The following ITPR2 variants were observed in gnomAD, a reference collection of about 807,000 sequenced individuals.
The protein encoded by ITPR2 is inositol 1,4,5-trisphosphate receptor type 2.
In ITPR2, 207 loss-of-function variants were observed where a neutral mutation model predicts 317.1. The observed-to-expected ratio is 0.65, with a 90% CI of 0.58 to 0.73. The LOEUF is 0.73. Among genes scored for constraint, ITPR2 ranks in the 30% least tolerant of loss-of-function variants. The probability of loss-of-function intolerance (pLI) is 0.00; values close to 1 mark genes in which losing one functional copy is unlikely to be tolerated. For synonymous variants in ITPR2, 1,156 were observed against 1,149.1 expected, an observed-to-expected ratio of 1.01 and a Z score of -0.12; for missense variants, 2,613 against 3,284.0, an observed-to-expected ratio of 0.80 and a Z score of 4.99.
At chr12:26,726,974 C>T (rs1948939179) in intron 2 of ITPR2, among the ~76,000 whole-genome samples, 1 of 152,150 alleles carries the variant, frequency 6.6e-6, no homozygotes, top group South Asian at 2.1e-4. Flanking sequence ...ATCTTAATTT[C>T]TAGTTTAAAG....
chr12:26,681,284 C>T (rs1391794610), intron 13 of ITPR2, among the ~76,000 whole-genome samples: 2 of 152,160 alleles, frequency 1.3e-5, no homozygotes, highest in Non-Finnish European at 2.9e-5. Flanking sequence ...ATTTACAGTG[C>T]CCAACCTAGT....
chr12:26,457,741 C>T (rs1005957588), intron 45 of ITPR2, among the ~76,000 whole-genome samples: 1 of 152,116 alleles, frequency 6.6e-6, no homozygotes, highest in Non-Finnish European at 1.5e-5. Context: ...TCTGGACAGA[C>T]CTGGGTTCAA....
At chr12:26,568,722 T>G (rs1426342526) in intron 34 of ITPR2, among the ~76,000 whole-genome samples, 1 of 152,106 alleles carries the variant, frequency 6.6e-6, no homozygotes, top group Non-Finnish European at 1.5e-5. Flanking sequence ...AAAACCTGGT[T>G]GGTTGTCAAG....
intron 1 of ITPR2, among the ~76,000 whole-genome samples, chr12:26,826,528 T>C (rs1951011681): frequency 6.6e-6 from 1 of 152,028 alleles, no homozygotes; most frequent in Admixed American, 6.6e-5. Context: ...GTTAATTGCA[T>C]TGGCCAAAAT....
chr12:26,439,235 G>C lies in ITPR2; in HGVS notation c.6535C>G (p.Arg2179Gly). The change falls in exon 47 of 57, where the codon CGT becomes GGT. Residue 2179 changes from arginine to glycine, a missense_variant. This residue lies in a region of ITPR2 where 926 missense variants were observed against 1,072.8 expected (regional missense o/e 0.86). Transcript: ENST00000381340. ...CEYLTRESKC[R>G]VFNTTERDEQ... ...TCCCTTTCAGTTGTATTGAACACAC[G>C]GCACTTGGATTCTCGAGTGAGGTAT... The C allele has an allele frequency of 1.9e-6, 3 of 1,612,702 alleles. No individual in the cohort carries two copies. Among genetic ancestry groups the C allele is most frequent in the Non-Finnish European group, 2.5e-6 (3 of 1,179,048 alleles).
chr12:26,812,624 T>C (rs965851582), intron 1 of ITPR2, among the ~76,000 whole-genome samples: 4 of 152,084 alleles, frequency 2.6e-5, no homozygotes, highest in Non-Finnish European at 5.9e-5. Context: ...GCTGTACCAG[T>C]ACAGCTTACA....
At chr12:26,730,915 G>A (rs1002119506) in intron 2 of ITPR2, among the ~76,000 whole-genome samples, 4 of 152,154 alleles carry the variant, frequency 2.6e-5, no homozygotes, top group African/African-American at 9.7e-5. Flanking sequence ...TGGAAATCTG[G>A]CAGGAAATCA....
intron 34 of ITPR2, 45 bp downstream of exon 34, chr12:26,578,668 T>A: frequency 6.5e-7 from 1 of 1,541,066 alleles, no homozygotes. Context: ...AAACCTAATT[T>A]CTTCAAGAAA....
intron 36 of ITPR2, among the ~76,000 whole-genome samples, chr12:26,554,737 G>C (rs1591893115): frequency 6.6e-6 from 1 of 151,818 alleles, no homozygotes; most frequent in Non-Finnish European, 1.5e-5. Flanking sequence ...ATATTTATAG[G>C]AGATGAAGGG....
intron 9 of ITPR2, among the ~76,000 whole-genome samples, chr12:26,701,256 C>G (rs190511798): frequency 4.5e-4 from 68 of 152,054 alleles, no homozygotes; most frequent in South Asian, 4.2e-4. Context: ...AGAAGCAGAC[C>G]GTAAGTTTTT....
intron 1 of ITPR2, among the ~76,000 whole-genome samples, chr12:26,791,914 A>T (rs1256664590): frequency 2.6e-5 from 4 of 152,210 alleles, no homozygotes; most frequent in Admixed American, 2.6e-4. Context: ...TCAAAAAATC[A>T]TAGTCTTATT....
intron 54 of ITPR2, among the ~76,000 whole-genome samples, chr12:26,389,169 AC>A (rs1939758681): frequency 6.6e-6 from 1 of 152,054 alleles, no homozygotes; most frequent in African/African-American, 2.4e-5. Flanking sequence ...CCCATTCTCA[AC>A]ACAGCAGCCA....
rs188577491 is a variant in ITPR2, at chr12:26,418,113, T to C, written c.7110+936A>G. Reference sequence around the variant, plus strand: ...TACTCTTCACTGTGGCTCTTTCAAATGTTTGAGGGTATATGGAAAATTGGC... The same window carrying C: ...TACTCTTCACTGTGGCTCTTTCAAACGTTTGAGGGTATATGGAAAATTGGC... On this transcript the variant is annotated intron_variant, in intron 50 of 56. Coordinates refer to ENST00000381340, the MANE Select transcript of ITPR2 (RefSeq NM_002223.4). 2.0e-5 allele frequency among the ~76,000 whole-genome samples: 3 copies of C among 152,342 alleles called. No homozygotes were observed. In the East Asian group the frequency reaches 5.8e-4, roughly 29 times the overall value.
intron 39 of ITPR2, among the ~76,000 whole-genome samples, chr12:26,489,982 G>C (rs1446997285): frequency 6.6e-6 from 1 of 152,184 alleles, no homozygotes; most frequent in Non-Finnish European, 1.5e-5. Context: ...CTTAGAGCCA[G>C]GAAAACATAG....
chr12:26,508,875 C>T (rs553973325), intron 37 of ITPR2, among the ~76,000 whole-genome samples: 1 of 152,250 alleles, frequency 6.6e-6, no homozygotes, highest in African/African-American at 2.4e-5. Flanking sequence ...CCATACATTC[C>T]GGCAATTCCA....
rs146823397 is a variant in ITPR2 at position 26,599,363 on chromosome 12, T to C, written c.3802-18A>G. The C allele has an allele frequency of 1.2e-4, 196 of 1,609,964 alleles. 1 individual carries two copies. In the African/African-American group the frequency reaches 2.1e-3, roughly 17 times the overall value. ...TCAAGGAGCTAAACACAGAGGAACATGCCCTTGTAATTCTGACAAGATCAA... is the reference window on the plus strand; with the variant it reads ...TCAAGGAGCTAAACACAGAGGAACACGCCCTTGTAATTCTGACAAGATCAA... On this transcript the variant is annotated intron_variant, in intron 29 of 56. Transcript: ENST00000381340.
intron 1 of ITPR2, among the ~76,000 whole-genome samples, chr12:26,790,590 C>CACACAT (rs1446269125): frequency 6.7e-6 from 1 of 148,856 alleles, no homozygotes; most frequent in African/African-American, 2.5e-5. Flanking sequence ...TATGCTTACA[C>CACACAT]ACACACACAC....
chr12:26,581,455 G>C (rs1945402381), intron 32 of ITPR2, among the ~76,000 whole-genome samples: 1 of 152,160 alleles, frequency 6.6e-6, no homozygotes, highest in Non-Finnish European at 1.5e-5. Flanking sequence ...TGCAGGAACA[G>C]TGCAATTAAC....
intron 55 of ITPR2, among the ~76,000 whole-genome samples, chr12:26,354,556 T>C (rs572840705): frequency 6.6e-6 from 1 of 152,344 alleles, no homozygotes; most frequent in East Asian, 1.9e-4. Flanking sequence ...CACTAGTCCC[T>C]GACATTGCCA....
Sources: allele counts gnomAD v4.1 joint callset (sites outside exome capture counted in the v4.1 genomes callset), GRCh38; gene constraint gnomAD v4.1.1; regional missense constraint gnomAD v4.1.1; transcripts MANE v1.5; gene names NCBI Gene and HGNC (gene_info 2026-07-23, HGNC 2026-07-21).